HEATR5B: variants seen among roughly 807,000 people sequenced by gnomAD.
The protein encoded by HEATR5B is HEAT repeat containing 5B.
HEATR5B carries 156 observed loss-of-function variants against 224.1 expected under a neutral mutation model. The ratio of observed to expected loss-of-function variants is 0.70; its 90% CI spans 0.61 to 0.80. The LOEUF (loss-of-function observed/expected upper bound fraction) is 0.80. Ranked by LOEUF, HEATR5B falls within the 30% of genes least tolerant of loss-of-function variation. The pLI, the probability that HEATR5B is intolerant of heterozygous loss-of-function variation, is 0.00. For synonymous variants in HEATR5B, 1,027 were observed against 893.0 expected (o/e 1.15, Z -2.68); for missense variants, 2,323 against 2,535.5 (o/e 0.92, Z 1.80).
At position 37,056,863 on chromosome 2, in the gene HEATR5B, C is replaced by T. The variant is rs542757857; in HGVS notation, c.2224-248G>A. ...CATATTTACACCACCCACCTTATTG[C>T]GTGAACAATATACACAAGATCTTAA... On this transcript the variant is annotated intron_variant, in intron 15 of 35. Coordinates refer to ENST00000233099, the MANE Select transcript of HEATR5B (RefSeq NM_019024.3). 2.6e-5 allele frequency among the ~76,000 whole-genome samples: 4 copies of T among 152,272 alleles called. No individual in the cohort carries two copies. In the South Asian group the frequency reaches 6.2e-4, roughly 24 times the overall value.
At chr2:37,027,324 A>AT (rs1345433080) in intron 24 of HEATR5B, among the ~76,000 whole-genome samples, 1 of 152,216 alleles carries the variant, frequency 6.6e-6, no homozygotes, top group Non-Finnish European at 1.5e-5. Flanking sequence ...CAACTATGAA[A>AT]TGAAGGTACT....
At chr2:37,016,137 G>C (rs1668102002) in intron 26 of HEATR5B, among the ~76,000 whole-genome samples, 2 of 129,276 alleles carry the variant, frequency 1.5e-5, no homozygotes, top group African/African-American at 6.1e-5. Context: ...TTTTGAGACA[G>C]AGTCTCACTC....
intron 18 of HEATR5B, among the ~76,000 whole-genome samples, chr2:37,042,251 A>C (rs1214652406): frequency 1.3e-5 from 2 of 152,246 alleles, no homozygotes; most frequent in East Asian, 1.9e-4. Flanking sequence ...AGAGATGTCC[A>C]AGATGAATAC....
In HEATR5B at chr2:37,076,866, C is replaced by T. The variant is rs537209406; in HGVS notation, c.447+45G>A. The T allele has an allele frequency of 4.9e-6, 7 of 1,430,414 alleles. No individual in the cohort carries two copies. The East Asian group carries it at 1.4e-4, about 28-fold the overall frequency. The allele number at this position is 1,430,414 out of a possible 1,614,324, so 88.6% of individuals were successfully genotyped here. On this transcript the variant is annotated intron_variant, in intron 4 of 35. Coordinates refer to ENST00000233099, the MANE Select transcript of HEATR5B (RefSeq NM_019024.3). ...AACATATTTTAGCTGACATCTAACT[C>T]TTGCCACAAGCAAATATTCAAATAA... is the stretch of plus-strand genomic sequence containing the variant.
rs1233017030 is a variant in HEATR5B at position 37,082,826 on chromosome 2, CTGTG to C, written c.126+459_126+462del. Among the ~76,000 whole-genome samples the C allele has an allele frequency of 2.0e-5, 3 of 152,194 alleles. No individual in the cohort carries two copies. In the South Asian group the frequency reaches 6.2e-4, roughly 32 times the overall value. On this transcript the variant is annotated intron_variant, in intron 2 of 35. Transcript: ENST00000233099. ...TTTCCCACTTTACACCTCTATATTT[CTGTG>C]TGTGTCTTTAATTCCTCTAGCGCCG...
In HEATR5B at chr2:37,059,459, TA is replaced by T. The variant is rs1160459231; in HGVS notation, c.1850-473del. On this transcript the variant is annotated intron_variant, in intron 12 of 35. Coordinates refer to ENST00000233099, the MANE Select transcript of HEATR5B (RefSeq NM_019024.3). ...GTGTGTGTGTGTGTATATATATATA[TA>T]TATATTTTTTTTTTTTTTTTTTTGA... is the stretch of plus-strand genomic sequence containing the variant. Among the ~76,000 whole-genome samples, 617 of 111,508 alleles carry T rather than the reference TA, an allele frequency of 5.5e-3. 13 individuals are homozygous for T. Among genetic ancestry groups the T allele is most frequent in the African/African-American group, 0.019 (564 of 29,266 alleles). 73.2% of individuals were successfully genotyped at this position (111,508 alleles called of 152,430 possible).
chr2:37,064,702 A>C, intron 10 of HEATR5B, 38 bp downstream of exon 10: 1 of 1,607,546 alleles, frequency 6.2e-7, no homozygotes, highest in Non-Finnish European at 8.5e-7. Context: ...ACCAAAGCCC[A>C]CGTGACAGCA....
In HEATR5B at chr2:37,003,559, T is replaced by C. The variant is rs575553260; in HGVS notation, c.5033A>G (p.Glu1678Gly). 28 of 1,606,784 alleles carry C rather than the reference T, an allele frequency of 1.7e-5. No individual in the cohort carries two copies. The highest frequency in any genetic ancestry group is 2.4e-5 in the Non-Finnish European group (28 of 1,176,156). Reference protein sequence around the residue: ...IVRAAQDYLQEKRNTLNEDDM... With the variant: ...IVRAAQDYLQGKRNTLNEDDM... ...GTGCTTACTTAGAGTGTTTCTTTTC[T>C]CTTGCAAATAATCCTGAGCAGCTCT... is the stretch of plus-strand genomic sequence containing the variant. The change falls in exon 31 of 36, where the codon GAG becomes GGG. Residue 1678 changes from glutamate (E) to glycine (G), a missense_variant. Around this residue, in one of 12 missense-constraint regions of HEATR5B, gnomAD observed 844 missense variants for 812.9 expected, o/e 1.04. Transcript: ENST00000233099.
chr2:37,076,942 T>C lies in HEATR5B; in HGVS notation c.416A>G (p.Asn139Ser), dbSNP rs1403009749. ...MLGSAFPETV[N>S]NLLKSLKSAE... ...ACTTTTCAGAGATTTCAATAGATTATTTACCGTTTCTGGAAATGCGCTGCC... is the reference window on the plus strand; with the variant it reads ...ACTTTTCAGAGATTTCAATAGATTACTTACCGTTTCTGGAAATGCGCTGCC... Residue 139 changes from asparagine to serine, a missense_variant, in exon 4 of 36, where the codon AAT (asparagine) becomes AGT (serine). Asn to Ser is a conservative substitution (Grantham distance 46). Transcript: ENST00000233099. The C allele has an allele frequency of 6.2e-7, 1 of 1,613,872 alleles. No homozygotes were observed. Among genetic ancestry groups the C allele is most frequent in the African/African-American group, 1.3e-5 (1 of 74,918 alleles).
At chr2:37,072,720 T>C (rs998267850) in intron 5 of HEATR5B, among the ~76,000 whole-genome samples, 3 of 150,620 alleles carry the variant, frequency 2.0e-5, no homozygotes, top group Non-Finnish European at 3.0e-5. Context: ...AGAAGACTAA[T>C]AAATTTGATA....
chr2:37,023,236 A>T (rs926437672), intron 24 of HEATR5B, among the ~76,000 whole-genome samples: 10 of 152,236 alleles, frequency 6.6e-5, no homozygotes, highest in Admixed American at 3.9e-4. Context: ...GAAAAGACTT[A>T]GCAACACAAA....
chr2:37,053,949 G>A (rs929139326), intron 16 of HEATR5B, among the ~76,000 whole-genome samples: 4 of 151,480 alleles, frequency 2.6e-5, no homozygotes, highest in Admixed American at 1.3e-4. Context: ...ATGTATCTCC[G>A]TGGAAGATTT....
Position 37,083,278 on chromosome 2 carries a change from C to CTAA in HEATR5B, c.126+10_126+11insTTA. 1 of 1,613,736 alleles carries CTAA rather than the reference C, an allele frequency of 6.2e-7. No individual in the cohort carries two copies. Among genetic ancestry groups the CTAA allele is most frequent in the Non-Finnish European group, 8.5e-7 (1 of 1,179,802 alleles). On this transcript the variant is annotated intron_variant, in intron 2 of 35. Coordinates refer to ENST00000233099, the MANE Select transcript of HEATR5B (RefSeq NM_019024.3). ...CGTTAATGCAACTGGGAAAAAAGAG[C>CTAA]AATACCATACCTTGTTGGCAGCAAC...
At chr2:36,997,077 T>G (rs1666768912) in intron 33 of HEATR5B, among the ~76,000 whole-genome samples, 1 of 152,184 alleles carries the variant, frequency 6.6e-6, no homozygotes, top group Non-Finnish European at 1.5e-5. Context: ...ACTCTTTGTA[T>G]ATTAATGATA....
rs1432456996 is a variant in HEATR5B, at chr2:37,040,424, A to G, written c.2951T>C (p.Leu984Ser). Residue 984 changes from leucine to serine, a missense_variant, in exon 20 of 36, where the codon TTG becomes TCG. Around this residue, in one of 12 missense-constraint regions of HEATR5B, gnomAD observed 22 missense variants for 46.9 expected, o/e 0.47. Transcript: ENST00000233099. Reference protein sequence around the residue: ...VEPTLSLVLTLLLTVPPSHTE... With the variant: ...VEPTLSLVLTSLLTVPPSHTE... ...ATGTGAAGGCGGAACTGTCAACAGCAAGGTAAGAACTAGAGATAATGTTGG... is the reference window on the plus strand; with the variant it reads ...ATGTGAAGGCGGAACTGTCAACAGCGAGGTAAGAACTAGAGATAATGTTGG... The G allele has an allele frequency of 6.2e-7, 1 of 1,614,102 alleles. No homozygotes were observed. The highest frequency in any genetic ancestry group is 8.5e-7 in the Non-Finnish European group (1 of 1,179,958).
At chr2:37,058,066 G>A (rs868014866) in intron 14 of HEATR5B, among the ~76,000 whole-genome samples, 2 of 152,054 alleles carry the variant, frequency 1.3e-5, no homozygotes, top group Non-Finnish European at 2.9e-5. Flanking sequence ...CAGTATATAG[G>A]AAGCATTTCA....
chr2:37,060,508 T>C, intron 12 of HEATR5B, 73 bp downstream of exon 12: 3 of 1,270,872 alleles, frequency 2.4e-6, no homozygotes, highest in Non-Finnish European at 3.2e-6. Context: ...TATAAAATAG[T>C]GATTTTTCTT....
At chr2:36,995,606 G>A (rs1364760201) in intron 33 of HEATR5B, among the ~76,000 whole-genome samples, 1 of 152,120 alleles carries the variant, frequency 6.6e-6, no homozygotes, top group Non-Finnish European at 1.5e-5. Flanking sequence ...GTATAGGAGA[G>A]AAAGTAAAAC....
In HEATR5B at chr2:36,981,348, T is replaced by C. The variant is rs1665569337; in HGVS notation, c.*142A>G. The C allele has an allele frequency of 1.9e-6, 1 of 530,166 alleles. No individual in the cohort carries two copies. The allele number at this position is 530,166 out of a possible 1,614,324, so 32.8% of individuals were successfully genotyped here. ...TAAAAATCAATAAGTGGTGTGAGCA[T>C]TATTTCACTTAACCTACTTGGAAGC... On this transcript the variant is annotated 3_prime_UTR_variant, in exon 36 of 36. Coordinates refer to ENST00000233099, the MANE Select transcript of HEATR5B (RefSeq NM_019024.3).
Sources: gnomAD v4.1 joint callset for allele counts (sites outside exome capture counted in the v4.1 genomes callset) on GRCh38, gnomAD v4.1.1 for gene constraint, gnomAD v4.1.1 regional missense constraint, MANE v1.5 for transcripts, NCBI Gene and HGNC (gene_info 2026-07-23, HGNC 2026-07-21) for gene names.